Variants in SYCP1 observed in about 807,000 individuals in gnomAD.
The protein encoded by SYCP1 is synaptonemal complex protein 1.
SYCP1 carries 64 observed loss-of-function variants against 153.1 expected under a neutral mutation model. The observed-to-expected ratio is 0.42, with a 90% CI of 0.34 to 0.51. The LOEUF is 0.51. Among genes scored for constraint, SYCP1 ranks in the 20% least tolerant of loss-of-function variants. The probability of loss-of-function intolerance (pLI) is 0.06; values close to 1 mark genes in which losing one functional copy is unlikely to be tolerated. For synonymous variants in SYCP1, 384 were observed against 341.8 expected (o/e 1.12, Z -1.36); for missense variants, 997 against 1,049.0 (o/e 0.95, Z 0.68).
chr1:114,894,109 G>A (rs1570717193), intron 15 of SYCP1, among the ~76,000 whole-genome samples: 1 of 151,838 alleles, frequency 6.6e-6, no homozygotes, highest in East Asian at 1.9e-4. Context: ...AACATATAGA[G>A]ACATGCTCAG....
intron 27 of SYCP1, among the ~76,000 whole-genome samples, chr1:114,949,201 T>C (rs150884674): frequency 8.3e-4 from 126 of 152,288 alleles, no homozygotes; most frequent in Non-Finnish European, 1.3e-3. Flanking sequence ...TGCTCTGACA[T>C]ACATTGCATG....
Position 114,946,392 on chromosome 1 carries a change from G to GA in SYCP1, c.2247+17dup. 1.9e-6 allele frequency: 3 copies of GA among 1,554,794 alleles called. No individual in the cohort carries two copies. The highest frequency in any genetic ancestry group is 2.4e-5 in the East Asian group (1 of 40,842). On this transcript the variant is annotated intron_variant, in intron 26 of 31. Coordinates refer to ENST00000369522, the MANE Select transcript of SYCP1 (RefSeq NM_003176.4). ...CTGAGAGCATCTTTGGTGAGATACA[G>GA]AAAAAATTGCAGTAACGGCCAGTTT...
chr1:114,940,834 TTTTA>T (rs1442201970), intron 23 of SYCP1, among the ~76,000 whole-genome samples: 2 of 152,204 alleles, frequency 1.3e-5, no homozygotes, highest in Admixed American at 6.5e-5. Context: ...CTCTGCTTTT[TTTTA>T]TTTGTGTTTT....
chr1:114,973,271 A>G (rs1672603841), intron 27 of SYCP1, among the ~76,000 whole-genome samples: 1 of 151,922 alleles, frequency 6.6e-6, no homozygotes, highest in Admixed American at 6.6e-5. Flanking sequence ...TTTTGACTTT[A>G]TGTCTAGTAT....
chr1:114,991,187 A>G (rs1673896384), intron 30 of SYCP1, among the ~76,000 whole-genome samples: 1 of 151,980 alleles, frequency 6.6e-6, no homozygotes. Flanking sequence ...ATAAATTGGT[A>G]AAAACTTCTC....
chr1:114,950,573 A>G (rs899422961), intron 27 of SYCP1, among the ~76,000 whole-genome samples: 1 of 152,138 alleles, frequency 6.6e-6, no homozygotes, highest in Non-Finnish European at 1.5e-5. Flanking sequence ...ACTAACAGTT[A>G]TAGAGATAAT....
At chr1:114,906,195 G>T (rs1480634560) in intron 16 of SYCP1, among the ~76,000 whole-genome samples, 1 of 152,004 alleles carries the variant, frequency 6.6e-6, no homozygotes, top group Non-Finnish European at 1.5e-5. Context: ...TCGAACTCCT[G>T]ACCTCAAGTG....
rs145281979 is a variant in SYCP1, at chr1:114,966,130, T to C, written c.2323-11427T>C. ...TTCTAGATTTTCTAGTTTATTTGTG[T>C]AGAGGTGTTTATAGTATTCTCTGAT... is the stretch of plus-strand genomic sequence containing the variant. On this transcript the variant is annotated intron_variant, in intron 27 of 31. Transcript: ENST00000369522. 0.011 allele frequency among the ~76,000 whole-genome samples: 1,638 copies of C among 152,320 alleles called. 187 individuals are homozygous for C. In the East Asian group the frequency reaches 0.25, roughly 23 times the overall value.
intron 16 of SYCP1, among the ~76,000 whole-genome samples, chr1:114,908,885 T>G (rs1197159878): frequency 6.6e-6 from 1 of 152,212 alleles, no homozygotes; most frequent in Non-Finnish European, 1.5e-5. Flanking sequence ...ACCAGTTCTT[T>G]GTATGTTGAA....
intron 5 of SYCP1, 138 bp downstream of exon 5, chr1:114,857,635 T>G (rs1314919716): frequency 1.6e-6 from 1 of 622,560 alleles, no homozygotes; most frequent in Non-Finnish European, 2.5e-6. Flanking sequence ...AACCTTTTTT[T>G]CTGCTTCTGT....
chr1:114,964,069 A>G (rs140539327), intron 27 of SYCP1, among the ~76,000 whole-genome samples: 9,284 of 152,012 alleles, frequency 0.061, 320 homozygotes, highest in Middle Eastern at 0.14. Flanking sequence ...TGCCATTCTA[A>G]CTCGTGTGAG....
chr1:114,964,424 T>C (rs1671977533), intron 27 of SYCP1, among the ~76,000 whole-genome samples: 1 of 152,172 alleles, frequency 6.6e-6, no homozygotes, highest in Non-Finnish European at 1.5e-5. Context: ...TTGTTTTTGG[T>C]GTTTTAGTTA....
chr1:114,911,937 A>G (rs1668208768), intron 18 of SYCP1, among the ~76,000 whole-genome samples: 1 of 152,048 alleles, frequency 6.6e-6, no homozygotes, highest in South Asian at 2.1e-4. Flanking sequence ...ATAAAAAATT[A>G]TTTCTTACAT....
chr1:114,991,574 CAA>C (rs1196358134), intron 30 of SYCP1, among the ~76,000 whole-genome samples: 1 of 151,484 alleles, frequency 6.6e-6, no homozygotes, highest in African/African-American at 2.4e-5. Flanking sequence ...CATCGTGATG[CAA>C]AAAAAGGTAC....
intron 8 of SYCP1, among the ~76,000 whole-genome samples, chr1:114,861,922 C>T (rs1165192813): frequency 6.6e-6 from 1 of 150,830 alleles, no homozygotes; most frequent in Non-Finnish European, 1.5e-5. Flanking sequence ...TCCTCAGCCT[C>T]GCGAGTAGCT....
chr1:114,930,496 A>C (rs1185363047), intron 23 of SYCP1, among the ~76,000 whole-genome samples: 1 of 152,002 alleles, frequency 6.6e-6, no homozygotes, highest in Non-Finnish European at 1.5e-5. Context: ...AGATAATACA[A>C]GCATTAAAAA....
At chr1:114,856,274 TCTA>T (rs1430475416) in intron 2 of SYCP1, among the ~76,000 whole-genome samples, 1 of 152,168 alleles carries the variant, frequency 6.6e-6, no homozygotes, top group Non-Finnish European at 1.5e-5. Context: ...ACTGAAGAAA[TCTA>T]CTAATATTGT....
chr1:114,879,869 G>C (rs1222172159), intron 12 of SYCP1, among the ~76,000 whole-genome samples: 2 of 151,900 alleles, frequency 1.3e-5, no homozygotes, highest in Non-Finnish European at 2.9e-5. Context: ...TGTCTAATTT[G>C]CTTTAAATCT....
At chr1:114,879,231 T>C (rs1665748835) in intron 12 of SYCP1, among the ~76,000 whole-genome samples, 1 of 152,210 alleles carries the variant, frequency 6.6e-6, no homozygotes. Context: ...TGAAACACCA[T>C]GCACCTTCCA....
Sources: gnomAD v4.1 joint callset for allele counts (sites outside exome capture counted in the v4.1 genomes callset) on GRCh38, gnomAD v4.1.1 for gene constraint, MANE v1.5 for transcripts, NCBI Gene and HGNC (gene_info 2026-07-23, HGNC 2026-07-21) for gene names.